Variants in ACLY observed in about 807,000 individuals in gnomAD.
ACLY encodes ATP-citrate synthase.
In ACLY, 41 loss-of-function variants were observed where a neutral mutation model predicts 133.0. The observed-to-expected ratio is 0.31, with a 90% CI of 0.24 to 0.40. The LOEUF (loss-of-function observed/expected upper bound fraction) is 0.40. Among genes scored for constraint, ACLY ranks in the 10% least tolerant of loss-of-function variants. ACLY has a pLI of 1.00. For synonymous variants in ACLY, 495 were observed against 549.3 expected (o/e 0.90, Z 1.38); for missense variants, 1,046 against 1,453.8 (o/e 0.72, Z 4.56).
chr17:41,900,375 A>G (rs1202647341), intron 11 of ACLY, among the ~76,000 whole-genome samples: 2 of 31,200 alleles, frequency 6.4e-5, no homozygotes, highest in East Asian at 0.077. Flanking sequence ...AATAAAAAAA[A>G]AAGAAAAAAA....
intron 15 of ACLY, 98 bp downstream of exon 15, chr17:41,892,935 T>TC: frequency 6.8e-7 from 1 of 1,476,044 alleles, no homozygotes; most frequent in Non-Finnish European, 9.2e-7. Flanking sequence ...CACCTCGACC[T>TC]CCCAAAGCGC....
At position 41,907,469 on chromosome 17, in the gene ACLY, G is replaced by A. The variant is rs993183257; in HGVS notation, c.720C>T (p.Pro240=). The change falls in exon 7 of 29, where the codon CCC becomes CCT. Residue 240 remains proline, a synonymous_variant. Transcript: ENST00000352035. Reference sequence around the variant, plus strand: ...CTGGATATGCCTCCCGCCCGAAGGGGGGAGGGAACTCGATGTCACCCCACT... The same window carrying A: ...CTGGATATGCCTCCCGCCCGAAGGGAGGAGGGAACTCGATGTCACCCCACT... The part of the protein sequence containing the change: ...KVKWGDIEFP[P]PFGREAYPEE... 2 of 1,614,038 alleles carry A rather than the reference G, an allele frequency of 1.2e-6. No individual in the cohort carries two copies. The highest frequency in any genetic ancestry group is 1.7e-4 in the Middle Eastern group (1 of 6,060).
chr17:41,878,158 A>G lies in ACLY; in HGVS notation c.2432T>C (p.Val811Ala), dbSNP rs1203261072. 6.3e-7 allele frequency: 1 copy of G among 1,597,468 alleles called. No individual in the cohort carries two copies. Among genetic ancestry groups the G allele is most frequent in the African/African-American group, 1.4e-5 (1 of 73,608 alleles). Residue 811 changes from valine (V) to alanine (A), a missense_variant, in exon 22 of 29, where the codon GTA (valine) becomes GCA (alanine). Transcript: ENST00000352035. Reference sequence around the variant, plus strand: ...TGGGGGCGGCACCTCCTGGGCAGGTACAATGACTCCATTGGCCACGAGATC... The same window carrying G: ...TGGGGGCGGCACCTCCTGGGCAGGTGCAATGACTCCATTGGCCACGAGATC... ...YEDLVANGVI[V>A]PAQEVPPPTV...
At chr17:41,904,383 AAG>A in intron 10 of ACLY, 1 of 205,448 alleles carries the variant, frequency 4.9e-6, no homozygotes, top group Non-Finnish European at 9.8e-6. Context: ...AAGGGAAGGG[AAG>A]GGAAAGGAAG....
chr17:41,878,199 G>A lies in ACLY; in HGVS notation c.2394-3C>T. On this transcript the variant is annotated splice_polypyrimidine_tract_variant and splice_region_variant and intron_variant, in intron 21 of 28. Coordinates refer to ENST00000352035, the MANE Select transcript of ACLY (RefSeq NM_001096.3). ...CCACGAGATCTTCGTATACAGACCT[G>A]GGAGGCAGGAAAAAAAAGACATCCA... is the stretch of plus-strand genomic sequence containing the variant. The A allele has an allele frequency of 6.4e-7, 1 of 1,558,372 alleles. No homozygotes were observed. Among genetic ancestry groups the A allele is most frequent in the Middle Eastern group, 1.7e-4 (1 of 5,792 alleles).
At chr17:41,913,650 C>T in intron 2 of ACLY, 65 bp downstream of exon 2, 2 of 1,558,126 alleles carry the variant, frequency 1.3e-6, no homozygotes, top group Non-Finnish European at 1.7e-6. Flanking sequence ...ACCAACAAAC[C>T]AATGGCTTTC....
chr17:41,870,947 A>G (rs1376787289), intron 25 of ACLY, among the ~76,000 whole-genome samples: 1 of 152,252 alleles, frequency 6.6e-6, no homozygotes, highest in Admixed American at 6.5e-5. Context: ...GAACAGGCAC[A>G]GCAAACCCTC....
Position 41,909,701 on chromosome 17 carries a change from C to T in ACLY, c.346-1G>A. 1 of 1,613,864 alleles carries T rather than the reference C, an allele frequency of 6.2e-7. No individual in the cohort carries two copies. The highest frequency in any genetic ancestry group is 8.5e-7 in the Non-Finnish European group (1 of 1,179,830). On this transcript the variant is annotated splice_acceptor_variant, in intron 4 of 28. Coordinates refer to ENST00000352035, the MANE Select transcript of ACLY (RefSeq NM_001096.3). LOFTEE classifies it high-confidence loss of function. The stretch of plus-strand genomic sequence containing the variant: ...AGATGCAGACATAGAACTCCTCAGC[C>T]TTGCAGGTGAAGAGACAGGACAGTG...
intron 10 of ACLY, chr17:41,904,479 C>T: frequency 2.0e-6 from 1 of 505,634 alleles, no homozygotes; most frequent in South Asian, 2.8e-5. Flanking sequence ...AGAAATTCGC[C>T]TCCCATGCTT....
At chr17:41,876,289 T>TG (rs1328017524) in intron 22 of ACLY, among the ~76,000 whole-genome samples, 13 of 139,382 alleles carry the variant, frequency 9.3e-5, no homozygotes, top group African/African-American at 2.0e-4. Context: ...GGGAGGGAGG[T>TG]GGGGGGGTCA....
At chr17:41,916,134 G>A (rs1555634478) in intron 1 of ACLY, among the ~76,000 whole-genome samples, 2 of 152,082 alleles carry the variant, frequency 1.3e-5, no homozygotes, top group Non-Finnish European at 2.9e-5. Context: ...TTTGGAAGGG[G>A]GATAGGAGAG....
intron 2 of ACLY, 42 bp from the exon 3 acceptor site, chr17:41,912,584 G>C (rs781803805): frequency 1.2e-6 from 2 of 1,612,812 alleles, no homozygotes; most frequent in South Asian, 1.1e-5. Context: ...GGAAGAATTA[G>C]ATAAACCGTA....
chr17:41,878,665 A>T, intron 21 of ACLY, 132 bp downstream of exon 21: 1 of 1,122,800 alleles, frequency 8.9e-7, no homozygotes, highest in Non-Finnish European at 1.3e-6. Context: ...AGGATTTTGA[A>T]CCATCCATAC....
At chr17:41,921,930 T>C (rs1555635483), upstream of ACLY, among the ~76,000 whole-genome samples, 2 of 151,928 alleles carry the variant, frequency 1.3e-5, no homozygotes, top group Admixed American at 6.6e-5. Flanking sequence ...GCACGGTGGC[T>C]CGAGCCTGTA....
Position 41,872,025 on chromosome 17 carries a change from T to C in ACLY, c.2793+7A>G, listed in dbSNP as rs782263227. 6 of 1,613,786 alleles carry C rather than the reference T, an allele frequency of 3.7e-6. No individual in the cohort carries two copies. The East Asian group carries it at 1.1e-4, about 30-fold the overall frequency. On this transcript the variant is annotated splice_region_variant and intron_variant, in intron 24 of 28. Transcript: ENST00000352035. ...CACTGTTCACCTCCCATGATGACAG[T>C]ACTTACGATGGTGAGCAGCCCCGAG... is the stretch of plus-strand genomic sequence containing the variant.
intron 12 of ACLY, 28 bp downstream of exon 12, chr17:41,898,603 T>C: frequency 6.2e-7 from 1 of 1,610,216 alleles, no homozygotes; most frequent in Non-Finnish European, 8.5e-7. Context: ...GGTTCCTTCC[T>C]GTAAGGTTTG....
chr17:41,914,398 C>G (rs35766790), intron 1 of ACLY, among the ~76,000 whole-genome samples: 23,396 of 152,180 alleles, frequency 0.15, 1,941 homozygotes, highest in East Asian at 0.18. Context: ...TCATCTCCCC[C>G]ACACCCAGAT....
At position 41,869,712 on chromosome 17, in the gene ACLY, T is replaced by A. The variant is rs989961750; in HGVS notation, c.2938-125A>T. 29 of 709,334 alleles carry A rather than the reference T, an allele frequency of 4.1e-5. 1 individual carries two copies. The Middle Eastern group carries it at 1.0e-3, about 25-fold the overall frequency. The allele number at this position is 709,334 out of a possible 1,614,324, so 43.9% of individuals were successfully genotyped here. A position where few individuals can be genotyped will look rare whatever the true frequency, so the allele number is the denominator to read the frequency against. On this transcript the variant is annotated intron_variant, in intron 25 of 28. Coordinates refer to ENST00000352035, the MANE Select transcript of ACLY (RefSeq NM_001096.3). ...CGGCGATTCAGGAACCTGGCCCACG[T>A]GTACCATTCCATGTGGCACCAATTG...
intron 1 of ACLY, among the ~76,000 whole-genome samples, chr17:41,916,031 AG>A (rs1357521974): frequency 1.4e-4 from 21 of 152,334 alleles, no homozygotes; most frequent in African/African-American, 5.1e-4. Context: ...GGAAAGGACA[AG>A]GGAGAAAAAA....
Sources: allele counts gnomAD v4.1 joint callset (sites outside exome capture counted in the v4.1 genomes callset), GRCh38; gene constraint gnomAD v4.1.1; transcripts MANE v1.5; gene names NCBI Gene and HGNC (gene_info 2026-07-23, HGNC 2026-07-21).